Variants in MYO6 observed in about 807,000 individuals in gnomAD.
MYO6 encodes myosin VI.
A neutral mutation model predicts 178.7 loss-of-function variants in MYO6; 74 were observed. That is an observed-to-expected ratio of 0.41 (90% confidence interval 0.34 to 0.50). The LOEUF is 0.50. Among genes scored for constraint, MYO6 ranks in the 20% least tolerant of loss-of-function variants. The pLI is 0.09. For synonymous variants in MYO6, 477 were observed against 504.6 expected (o/e 0.95, Z 0.73); for missense variants, 1,330 against 1,547.4 (o/e 0.86, Z 2.36).
intron 1 of MYO6, among the ~76,000 whole-genome samples, chr6:75,776,937 T>A (rs1044636603): frequency 3.3e-5 from 5 of 152,224 alleles, no homozygotes; most frequent in Admixed American, 3.3e-4. Context: ...AGATTCACCT[T>A]ACTTTAAAAA....
At chr6:75,839,756 G>A (rs1774028405) in intron 7 of MYO6, among the ~76,000 whole-genome samples, 1 of 151,946 alleles carries the variant, frequency 6.6e-6, no homozygotes. Context: ...GAGAGCCTTA[G>A]GTAATTCTGT....
intron 30 of MYO6, among the ~76,000 whole-genome samples, chr6:75,907,340 G>T (rs1780407757): frequency 6.6e-6 from 1 of 152,134 alleles, no homozygotes; most frequent in East Asian, 1.9e-4. Context: ...CTGAAGTCTG[G>T]GGGAAGTTTG....
At chr6:75,790,399 A>T (rs1397117148) in intron 1 of MYO6, among the ~76,000 whole-genome samples, 37 of 142,326 alleles carry the variant, frequency 2.6e-4, no homozygotes, top group Middle Eastern at 4.0e-3. Flanking sequence ...TCTTTTTGAG[A>T]TGGAGTCTTG....
At chr6:75,781,158 G>T (rs953107358) in intron 1 of MYO6, among the ~76,000 whole-genome samples, 1 of 152,108 alleles carries the variant, frequency 6.6e-6, no homozygotes. Flanking sequence ...CATCTAAAAG[G>T]TCAGTAAAAT....
chr6:75,797,099 T>C (rs1407213849), intron 1 of MYO6, among the ~76,000 whole-genome samples: 1 of 152,170 alleles, frequency 6.6e-6, no homozygotes, highest in Non-Finnish European at 1.5e-5. Flanking sequence ...TATTTAATTT[T>C]ATTTTTTTGA....
chr6:75,914,416 C>T, intron 34 of MYO6, 135 bp downstream of exon 34: 4 of 915,116 alleles, frequency 4.4e-6, no homozygotes, highest in Non-Finnish European at 5.1e-6. Flanking sequence ...GGTTAAATCA[C>T]ATTTCCAGTT....
At chr6:75,898,308 T>A (rs1779462691) in intron 29 of MYO6, 65 bp from the exon 30 acceptor site, 5 of 1,036,676 alleles carry the variant, frequency 4.8e-6, no homozygotes, top group Non-Finnish European at 7.4e-6. Flanking sequence ...TACTTTTAGA[T>A]CTTTTAATTA....
At chr6:75,835,874 A>T in intron 6 of MYO6, 27 bp from the exon 7 acceptor site, 1 of 1,380,828 alleles carries the variant, frequency 7.2e-7, no homozygotes, top group Non-Finnish European at 1.0e-6. Context: ...ATTGTCATCA[A>T]CATTTTTTAT....
intron 22 of MYO6, 38 bp from the exon 23 acceptor site, chr6:75,881,651 A>C: frequency 6.3e-7 from 1 of 1,594,432 alleles, no homozygotes; most frequent in East Asian, 2.2e-5. Context: ...AAATGCATTT[A>C]TATTTTAATA....
intron 3 of MYO6, among the ~76,000 whole-genome samples, chr6:75,826,436 G>A (rs1242988258): frequency 6.6e-6 from 1 of 152,174 alleles, no homozygotes; most frequent in Non-Finnish European, 1.5e-5. Context: ...GTCTGTGTAG[G>A]CTTATATGAT....
intron 1 of MYO6, among the ~76,000 whole-genome samples, chr6:75,805,161 A>T (rs1367572195): frequency 2.0e-5 from 3 of 150,230 alleles, no homozygotes; most frequent in African/African-American, 7.4e-5. Flanking sequence ...AGTAGCTGGG[A>T]TTACAGGTGC....
At chr6:75,914,396 G>A in intron 34 of MYO6, 115 bp downstream of exon 34, 2 of 1,034,920 alleles carry the variant, frequency 1.9e-6, no homozygotes, top group East Asian at 2.6e-5. Context: ...GTTGAGGGAT[G>A]GAGTCTTGCG....
Position 75,855,150 on chromosome 6 carries a change from C to A in MYO6, c.1090C>A (p.Leu364Met). The A allele has an allele frequency of 6.2e-7, 1 of 1,609,240 alleles. No homozygotes were observed. Among genetic ancestry groups the A allele is most frequent in the South Asian group, 1.1e-5 (1 of 90,838 alleles). ...EAGSTSGGCN[L>M]KNKSAQSLEY... ...TATATTTCTATTAGGTGGTTGTAAT[C>A]TGAAGAATAAATCTGCTCAGTCTTT... is the stretch of plus-strand genomic sequence containing the variant. The change falls in exon 12 of 35, where the codon CTG becomes ATG. Residue 364 changes from leucine to methionine, a missense_variant. Coordinates refer to ENST00000369977, the MANE Select transcript of MYO6 (RefSeq NM_004999.4).
At chr6:75,752,568 T>A (rs1776991658) in intron 1 of MYO6, among the ~76,000 whole-genome samples, 1 of 152,216 alleles carries the variant, frequency 6.6e-6, no homozygotes, top group Non-Finnish European at 1.5e-5. Context: ...CAGTTTGCCT[T>A]GGTTTCAGTT....
At chr6:75,904,900 G>A (rs190204232) in intron 30 of MYO6, among the ~76,000 whole-genome samples, 1 of 152,268 alleles carries the variant, frequency 6.6e-6, no homozygotes, top group East Asian at 1.9e-4. Flanking sequence ...GTGCAGATGG[G>A]TTTTTGGTGT....
chr6:75,749,634 A>T (rs1357778143), intron 1 of MYO6, among the ~76,000 whole-genome samples: 2 of 152,138 alleles, frequency 1.3e-5, no homozygotes, highest in South Asian at 2.1e-4. Flanking sequence ...AAAGACAATC[A>T]GTCTCCTTTC....
intron 15 of MYO6, among the ~76,000 whole-genome samples, chr6:75,861,759 A>G (rs984295959): frequency 1.3e-5 from 2 of 152,192 alleles, no homozygotes; most frequent in Non-Finnish European, 2.9e-5. Flanking sequence ...TATAATAATA[A>G]TACTACTTTA....
intron 8 of MYO6, among the ~76,000 whole-genome samples, 173 bp downstream of exon 8, chr6:75,840,855 A>G (rs1774149262): frequency 6.6e-6 from 1 of 152,220 alleles, no homozygotes; most frequent in Non-Finnish European, 1.5e-5. Flanking sequence ...TCCTTTCACA[A>G]TCTAAAACCC....
At chr6:75,908,802 G>A (rs1780544290) in intron 32 of MYO6, among the ~76,000 whole-genome samples, 175 bp downstream of exon 32, 1 of 152,008 alleles carries the variant, frequency 6.6e-6, no homozygotes, top group South Asian at 2.1e-4. Flanking sequence ...ATTTTTATGA[G>A]TATGTCTTTA....
Sources: gnomAD v4.1 joint callset for allele counts (sites outside exome capture counted in the v4.1 genomes callset) on GRCh38, gnomAD v4.1.1 for gene constraint, MANE v1.5 for transcripts, NCBI Gene and HGNC (gene_info 2026-07-23, HGNC 2026-07-21) for gene names.